Variants in PCP4 observed in about 807,000 individuals in gnomAD.
PCP4 encodes calmodulin regulator protein PCP4.
In PCP4, 8 loss-of-function variants were observed where a neutral mutation model predicts 10.0. The ratio of observed to expected loss-of-function variants is 0.80; its 90% CI spans 0.47 to 1.45. The LOEUF (loss-of-function observed/expected upper bound fraction) is 1.45, where lower values mean the gene tolerates loss of function less well. PCP4 is among the 40% of genes most tolerant of loss of function. The pLI is 0.00. For missense variants in PCP4, 54 were observed against 74.4 expected, an observed-to-expected ratio of 0.73 and a Z score of 1.01; for synonymous variants, 21 against 23.0, an observed-to-expected ratio of 0.91 and a Z score of 0.24.
intron 2 of PCP4, among the ~76,000 whole-genome samples, chr21:39,915,114 G>C (rs2087562549): frequency 6.6e-6 from 1 of 151,976 alleles, no homozygotes; most frequent in Admixed American, 6.6e-5. Flanking sequence ...AACTGCAAAG[G>C]GAAGGGTATG....
chr21:39,895,918 G>A (rs113328845), intron 1 of PCP4, among the ~76,000 whole-genome samples: 2 of 152,204 alleles, frequency 1.3e-5, no homozygotes, highest in African/African-American at 4.8e-5. Flanking sequence ...AGGTCCCAAA[G>A]AATTCTGAAA....
intron 2 of PCP4, among the ~76,000 whole-genome samples, chr21:39,902,804 G>A (rs2087487466): frequency 6.6e-6 from 1 of 152,074 alleles, no homozygotes; most frequent in South Asian, 2.1e-4. Context: ...TATGAGCAAA[G>A]CACCTTCATC....
At chr21:39,872,062 G>A (rs1264578017) in intron 1 of PCP4, among the ~76,000 whole-genome samples, 4 of 152,074 alleles carry the variant, frequency 2.6e-5, no homozygotes, top group Admixed American at 6.5e-5. Context: ...GCAGTAGCGC[G>A]ATCTTGGCTC....
chr21:39,923,013 A>G (rs2087603976), intron 2 of PCP4, among the ~76,000 whole-genome samples: 1 of 152,190 alleles, frequency 6.6e-6, no homozygotes, highest in Non-Finnish European at 1.5e-5. Flanking sequence ...CAGATCTGCT[A>G]ATTGGCATGA....
chr21:39,901,200 A>T (rs2087480937), intron 2 of PCP4, among the ~76,000 whole-genome samples: 1 of 152,222 alleles, frequency 6.6e-6, no homozygotes, highest in Admixed American at 6.5e-5. Context: ...AAGAGCAAAT[A>T]ATATCCTTTA....
rs377669065 is a variant in PCP4 at position 39,876,756 on chromosome 21, T to G, written c.9+9246T>G. Among the ~76,000 whole-genome samples, 6 of 152,326 alleles carry G rather than the reference T, an allele frequency of 3.9e-5. No individual in the cohort carries two copies. The East Asian group carries it at 1.2e-3, about 29-fold the overall frequency. On this transcript the variant is annotated intron_variant, in intron 1 of 2. Coordinates refer to ENST00000328619, the MANE Select transcript of PCP4 (RefSeq NM_006198.3). The stretch of plus-strand genomic sequence containing the variant: ...ATTCTAAAGTCTTCTTTACCATGAG[T>G]GTTTGTGGCAGTGAAGCACCTTACA...
intron 2 of PCP4, among the ~76,000 whole-genome samples, chr21:39,903,863 G>A (rs186019883): frequency 3.9e-5 from 4 of 102,426 alleles, no homozygotes; most frequent in Non-Finnish European, 7.5e-5. Context: ...GTGGGACTCC[G>A]TCTCAAAAAA....
intron 1 of PCP4, among the ~76,000 whole-genome samples, chr21:39,890,954 C>G (rs919984762): frequency 6.6e-5 from 10 of 152,128 alleles, no homozygotes; most frequent in Non-Finnish European, 4.4e-5. Context: ...GATGCCAGCA[C>G]ATTTTCTGTT....
intron 1 of PCP4, among the ~76,000 whole-genome samples, chr21:39,885,882 C>T (rs1451687724): frequency 2.0e-5 from 3 of 152,190 alleles, no homozygotes; most frequent in African/African-American, 2.4e-5. Context: ...AATGTATTCT[C>T]TTATAGTTCT....
intron 1 of PCP4, 159 bp from the exon 2 acceptor site, chr21:39,898,317 T>C: frequency 1.4e-6 from 1 of 735,542 alleles, no homozygotes; most frequent in Non-Finnish European, 2.5e-6. Flanking sequence ...TCTTGGTGGA[T>C]CCATTCCTAC....
intron 1 of PCP4, among the ~76,000 whole-genome samples, chr21:39,893,069 C>T (rs1027266204): frequency 6.6e-6 from 1 of 152,164 alleles, no homozygotes; most frequent in Non-Finnish European, 1.5e-5. Context: ...TTATACCTCT[C>T]AATGGCCAGT....
At chr21:39,882,881 TCTCTTCTA>T in intron 1 of PCP4, among the ~76,000 whole-genome samples, 1 of 152,242 alleles carries the variant, frequency 6.6e-6, no homozygotes. Flanking sequence ...AGAAATCGAA[TCTCTTCTA>T]TTCTTCTCTG....
intron 2 of PCP4, among the ~76,000 whole-genome samples, chr21:39,902,416 A>G (rs988079820): frequency 1.3e-5 from 2 of 152,222 alleles, no homozygotes; most frequent in African/African-American, 4.8e-5. Flanking sequence ...AGGTACATTA[A>G]AACTTCAGAA....
intron 2 of PCP4, among the ~76,000 whole-genome samples, chr21:39,904,228 C>T (rs555980353): frequency 2.4e-4 from 37 of 152,194 alleles, no homozygotes; most frequent in Non-Finnish European, 2.9e-5. Context: ...AATTTCACTA[C>T]CCCCTACCCC....
At chr21:39,887,734 A>C (rs566812448) in intron 1 of PCP4, among the ~76,000 whole-genome samples, 1 of 152,310 alleles carries the variant, frequency 6.6e-6, no homozygotes, top group East Asian at 1.9e-4. Flanking sequence ...TGTTCATTCA[A>C]AGATGGATCA....
intron 2 of PCP4, among the ~76,000 whole-genome samples, chr21:39,902,863 C>G (rs984188797): frequency 1.3e-5 from 2 of 152,120 alleles, no homozygotes; most frequent in Non-Finnish European, 2.9e-5. Context: ...AAATAACTTT[C>G]TACTTGAAAG....
chr21:39,899,789 G>T (rs1175268905), intron 2 of PCP4, among the ~76,000 whole-genome samples: 1 of 152,128 alleles, frequency 6.6e-6, no homozygotes, highest in Non-Finnish European at 1.5e-5. Context: ...TGGCAAGGAA[G>T]GCAGGAAGCA....
chr21:39,897,606 T>G (rs74578577), intron 1 of PCP4, among the ~76,000 whole-genome samples: 17,810 of 152,180 alleles, frequency 0.12, 1,284 homozygotes, highest in Middle Eastern at 0.23. Context: ...TTGCCCAAAG[T>G]GTTAAGTCTA....
In PCP4 at chr21:39,906,767, T is replaced by C. The variant is rs7281269; in HGVS notation, c.61+8240T>C. Among the ~76,000 whole-genome samples, 2,940 of 152,290 alleles carry C rather than the reference T, an allele frequency of 0.019. 93 individuals are homozygous for C. The highest frequency in any genetic ancestry group is 0.066 in the African/African-American group (2,752 of 41,556). The stretch of plus-strand genomic sequence containing the variant: ...AAAGTTATACATTATTCTCAATGAA[T>C]TACTCTTAAAGATCTTCAAGATCTT... On this transcript the variant is annotated intron_variant, in intron 2 of 2. Coordinates refer to ENST00000328619, the MANE Select transcript of PCP4 (RefSeq NM_006198.3). The surrounding 1 kb of genome is among the most constrained non-coding windows in gnomAD (Gnocchi z 6.3).
Sources: gnomAD v4.1 joint callset for allele counts (sites outside exome capture counted in the v4.1 genomes callset) on GRCh38, gnomAD v4.1.1 for gene constraint, Gnocchi (gnomAD v3.1) non-coding constraint, MANE v1.5 for transcripts, NCBI Gene and HGNC (gene_info 2026-07-23, HGNC 2026-07-21) for gene names.